PTPDC1: variants seen among roughly 807,000 people sequenced by gnomAD.
PTPDC1 encodes protein tyrosine phosphatase domain-containing protein 1.
PTPDC1 carries 53 observed loss-of-function variants against 75.3 expected under a neutral mutation model. That is an observed-to-expected ratio of 0.70 (90% confidence interval 0.56 to 0.88). PTPDC1 has a LOEUF of 0.88. Among genes scored for constraint, PTPDC1 ranks in the 40% least tolerant of loss-of-function variants. The pLI, the probability that PTPDC1 is intolerant of heterozygous loss-of-function variation, is 0.00. For missense variants in PTPDC1, 925 were observed against 998.6 expected, an observed-to-expected ratio of 0.93 and a Z score of 0.99; for synonymous variants, 349 against 366.2, an observed-to-expected ratio of 0.95 and a Z score of 0.54.
At chr9:94,091,239 A>G (rs1827305560) in intron 4 of PTPDC1, among the ~76,000 whole-genome samples, 1 of 152,010 alleles carries the variant, frequency 6.6e-6, no homozygotes, top group Admixed American at 6.5e-5. Flanking sequence ...AGCTCTTATT[A>G]TTTTGAAATA....
In PTPDC1 at chr9:94,037,012, T is replaced by C. The variant is rs144358627; in HGVS notation, c.-7+5885T>C. 2.3e-3 allele frequency among the ~76,000 whole-genome samples: 347 copies of C among 152,358 alleles called. 3 individuals carry two copies. Among genetic ancestry groups the C allele is most frequent in the Middle Eastern group, 0.01 (3 of 294 alleles). ...ACTATGTGCCAGGCATTGTAATGGT[T>C]TAAATGGATCTACTACAAGATTGCA... On this transcript the variant is annotated intron_variant, in intron 1 of 9. Transcript: ENST00000375360.
chr9:94,069,246 A>G (rs1169677600), intron 2 of PTPDC1, among the ~76,000 whole-genome samples: 5 of 152,152 alleles, frequency 3.3e-5, no homozygotes, highest in African/African-American at 1.2e-4. Context: ...GGGTACAGTC[A>G]TCCCTCCTTG....
At chr9:94,076,894 T>C (rs375878398) in intron 2 of PTPDC1, among the ~76,000 whole-genome samples, 78 of 152,302 alleles carry the variant, frequency 5.1e-4, no homozygotes, top group African/African-American at 1.9e-3. Flanking sequence ...TGAAGTGATA[T>C]TTCATTGTGA....
chr9:94,071,140 C>T (rs1162613770), intron 2 of PTPDC1, among the ~76,000 whole-genome samples: 1 of 152,144 alleles, frequency 6.6e-6, no homozygotes, highest in East Asian at 1.9e-4. Flanking sequence ...CAGCAATGTA[C>T]GAGTGATCAA....
In PTPDC1 at chr9:94,098,138, T is replaced by TG. The variant is rs1189128575; in HGVS notation, c.1575dup (p.Ser526ValfsTer42). 1 of 1,614,096 alleles carries TG rather than the reference T, an allele frequency of 6.2e-7. No individual in the cohort carries two copies. Among genetic ancestry groups the TG allele is most frequent in the East Asian group, 2.2e-5 (1 of 44,900 alleles). ...GAGGCCTGGAAGGACTCAAAGATAA[T>TG]GGGTCACCAATTTTCCATGGAAGGA... On this transcript the variant is annotated frameshift_variant, in exon 6 of 9. Coordinates refer to ENST00000620992, the MANE Select transcript of PTPDC1 (RefSeq NM_001253829.2). LOFTEE classifies it high-confidence loss of function.
intron 4 of PTPDC1, 150 bp from the exon 5 acceptor site, chr9:94,095,166 TG>T: frequency 1.8e-6 from 1 of 552,350 alleles, no homozygotes; most frequent in Non-Finnish European, 3.1e-6. Flanking sequence ...GTAAAGTTAC[TG>T]GGAATGTAAA....
chr9:94,033,651 C>T (rs1829769234), intron 1 of PTPDC1, among the ~76,000 whole-genome samples: 1 of 152,220 alleles, frequency 6.6e-6, no homozygotes, highest in South Asian at 2.1e-4. Context: ...TAGTAGAGTG[C>T]TAAGCACAAC....
intron 2 of PTPDC1, 68 bp downstream of exon 2, chr9:94,085,490 GC>G (rs1827041408): frequency 6.4e-7 from 1 of 1,550,404 alleles, no homozygotes; most frequent in Non-Finnish European, 8.8e-7. Context: ...TGAGCCAGGA[GC>G]CCTGAAGTGT....
At position 94,048,424 on chromosome 9, in the gene PTPDC1, C is replaced by T. The variant is rs543417254; in HGVS notation, c.-6-16310C>T. On this transcript the variant is annotated intron_variant, in intron 1 of 9. Transcript: ENST00000375360. Reference sequence around the variant, plus strand: ...GTTGTGTCTTTGTTCTCGTTGGTTTCAAAGAACATCTTTATTTCTGCCTTC... The same window carrying T: ...GTTGTGTCTTTGTTCTCGTTGGTTTTAAAGAACATCTTTATTTCTGCCTTC... 2.3e-3 allele frequency among the ~76,000 whole-genome samples: 350 copies of T among 152,172 alleles called. 2 individuals are homozygous for T. Among genetic ancestry groups the T allele is most frequent in the African/African-American group, 8.0e-3 (334 of 41,530 alleles).
chr9:94,075,928 T>C (rs1303313465), intron 2 of PTPDC1, among the ~76,000 whole-genome samples: 1 of 152,110 alleles, frequency 6.6e-6, no homozygotes, highest in East Asian at 1.9e-4. Context: ...ACAAAGTCAG[T>C]TTTGGAAGAT....
rs767540648 is a variant in PTPDC1 at position 94,087,882 on chromosome 9, G to GAAGT, written c.470_473dup (p.Tyr158Ter). 6.2e-7 allele frequency: 1 copy of GAAGT among 1,613,840 alleles called. No homozygotes were observed. Among genetic ancestry groups the GAAGT allele is most frequent in the African/African-American group, 1.3e-5 (1 of 75,022 alleles). ...CCCGCCCATCCTCTGAGCTCCTGGA[G>GAAGT]AAGTACCACATCATTGATCAGTTCC... On this transcript the variant is annotated frameshift_variant, in exon 3 of 9. Transcript: ENST00000620992. LOFTEE classifies it high-confidence loss of function.
At chr9:94,103,918 C>G (rs1380097380) in intron 7 of PTPDC1, among the ~76,000 whole-genome samples, 1 of 152,182 alleles carries the variant, frequency 6.6e-6, no homozygotes, top group Admixed American at 6.5e-5. Flanking sequence ...CCATGTATCT[C>G]TATGACATGT....
In PTPDC1 at chr9:94,095,293, TCTTTTC is replaced by T; in HGVS notation, c.617-17_617-12del. On this transcript the variant is annotated intron_variant, in intron 4 of 8. Transcript: ENST00000620992. ...TCATTAATTTCCTGTATGTTGATTTTCTTTTCCTTTTCTTTTTTCCTAGTTTACTTC... is the reference window on the plus strand; with the variant it reads ...TCATTAATTTCCTGTATGTTGATTTTCTTTTCTTTTTTCCTAGTTTACTTC... The T allele has an allele frequency of 6.3e-7, 1 of 1,592,382 alleles. No individual in the cohort carries two copies. The highest frequency in any genetic ancestry group is 8.6e-7 in the Non-Finnish European group (1 of 1,165,128).
At chr9:94,053,226 A>G (rs1587850226) in intron 1 of PTPDC1, among the ~76,000 whole-genome samples, 1 of 152,234 alleles carries the variant, frequency 6.6e-6, no homozygotes, top group Non-Finnish European at 1.5e-5. Flanking sequence ...GTAAACTACC[A>G]GATATAACAC....
Position 94,085,348 on chromosome 9 carries a change from T to C in PTPDC1, c.342T>C (p.Gly114=), listed in dbSNP as rs770183555. 1 of 1,614,238 alleles carries C rather than the reference T, an allele frequency of 6.2e-7. No individual in the cohort carries two copies. The highest frequency in any genetic ancestry group is 1.7e-5 in the Admixed American group (1 of 60,036). Residue 114 remains glycine, a synonymous_variant, in exon 2 of 9, where the codon GGT becomes GGC. Coordinates refer to ENST00000620992, the MANE Select transcript of PTPDC1 (RefSeq NM_001253829.2). ...TGGCATGTTCCATGGCGTGTGGCGG[T>C]AGAGCTTGCAAGTATGAGAACCCAG... is the stretch of plus-strand genomic sequence containing the variant. The part of the protein sequence containing the change: ...GHMACSMACG[G]RACKYENPAR...
rs1411831735 is a variant in PTPDC1, at chr9:94,064,861, G to A, written c.82+40G>A. 12 of 1,459,808 alleles carry A rather than the reference G, an allele frequency of 8.2e-6. No homozygotes were observed. In the African/African-American group the frequency reaches 1.5e-4, roughly 19 times the overall value. The allele number at this position is 1,459,808 out of a possible 1,614,324, so 90.4% of individuals were successfully genotyped here. A position where few individuals can be genotyped will look rare whatever the true frequency, so the allele number is the denominator to read the frequency against. ...ATACACTTTTTGTCTCTCTGTGCAA[G>A]CTGGCATTTAATAAAAGTAGCTATA... On this transcript the variant is annotated intron_variant, in intron 2 of 9. Coordinates refer to the PTPDC1 transcript ENST00000375360.
intron 3 of PTPDC1, 70 bp downstream of exon 3, chr9:94,087,981 A>C (rs1564027634): frequency 1.9e-5 from 29 of 1,499,946 alleles, no homozygotes; most frequent in Admixed American, 1.7e-4. Flanking sequence ...CCTTTGTTTC[A>C]AGTGAAAGAG....
chr9:94,034,215 TG>T (rs1829780246), intron 1 of PTPDC1, among the ~76,000 whole-genome samples: 1 of 152,164 alleles, frequency 6.6e-6, no homozygotes, highest in South Asian at 2.1e-4. Context: ...ATTAAGGTTT[TG>T]AAATTAGGCT....
intron 1 of PTPDC1, among the ~76,000 whole-genome samples, chr9:94,036,023 G>GTTTTTTTTTTTTTTTTT (rs200873026): frequency 8.2e-5 from 7 of 85,556 alleles, no homozygotes; most frequent in African/African-American, 1.0e-4. Flanking sequence ...CGGATTATTT[G>GTTTTTTTTTTTTTTTTT]TTTTTTTTTT....
Sources: allele counts gnomAD v4.1 joint callset (sites outside exome capture counted in the v4.1 genomes callset), GRCh38; gene constraint gnomAD v4.1.1; transcripts MANE v1.5; gene names NCBI Gene and HGNC (gene_info 2026-07-23, HGNC 2026-07-21).